IMMP2L: variants seen among roughly 807,000 people sequenced by gnomAD.
The protein encoded by IMMP2L is mitochondrial inner membrane protease subunit 2.
A neutral mutation model predicts 19.3 loss-of-function variants in IMMP2L; 18 were observed. That is an observed-to-expected ratio of 0.93 (90% CI 0.64 to 1.38). The LOEUF is 1.38. IMMP2L is among the 40% of genes most tolerant of loss of function. The pLI, the probability that IMMP2L is intolerant of heterozygous loss-of-function variation, is 0.00. For synonymous variants in IMMP2L, 76 were observed against 73.0 expected, an observed-to-expected ratio of 1.04 and a Z score of -0.21; for missense variants, 233 against 218.2, an observed-to-expected ratio of 1.07 and a Z score of -0.43.
rs79300687 is a variant in IMMP2L, at chr7:111,438,661, C to T, written c.239+48577G>A. 2.4e-3 allele frequency among the ~76,000 whole-genome samples: 370 copies of T among 151,926 alleles called. 12 individuals are homozygous for T. In the East Asian group the frequency reaches 0.067, roughly 27 times the overall value. ...TCTCTTCTAGGTTATTGTTTACAAT[C>T]TGGACAAAGCTGATAGGCAAAAGAA... On this transcript the variant is annotated intron_variant, in intron 3 of 5. Coordinates refer to ENST00000405709, the MANE Select transcript of IMMP2L (RefSeq NM_032549.4).
chr7:111,288,551 C>T (rs1196402571), intron 3 of IMMP2L, among the ~76,000 whole-genome samples: 1 of 152,134 alleles, frequency 6.6e-6, no homozygotes, highest in Admixed American at 6.6e-5. Context: ...TATCCAGAAT[C>T]TACAAAGAAC....
At chr7:111,284,939 A>G (rs1270112702) in intron 3 of IMMP2L, among the ~76,000 whole-genome samples, 7 of 152,154 alleles carry the variant, frequency 4.6e-5, no homozygotes, top group Non-Finnish European at 2.9e-5. Context: ...GAAAAGGGAG[A>G]AATGCAAATT....
At chr7:111,145,999 G>A (rs1586561439) in intron 3 of IMMP2L, among the ~76,000 whole-genome samples, 1 of 152,014 alleles carries the variant, frequency 6.6e-6, no homozygotes, top group South Asian at 2.1e-4. Flanking sequence ...ACTGACTTAG[G>A]AGAGATTAAA....
chr7:110,681,501 C>A (rs1259359357), intron 5 of IMMP2L, among the ~76,000 whole-genome samples: 1 of 152,084 alleles, frequency 6.6e-6, no homozygotes, highest in Non-Finnish European at 1.5e-5. Flanking sequence ...AGCCACTGGG[C>A]TGTAAGGAAC....
chr7:110,799,173 T>C (rs191198268), intron 5 of IMMP2L, among the ~76,000 whole-genome samples: 14 of 152,152 alleles, frequency 9.2e-5, no homozygotes, highest in African/African-American at 3.4e-4. Context: ...CAACTTAACA[T>C]TGAGGTCTTT....
intron 5 of IMMP2L, among the ~76,000 whole-genome samples, chr7:110,867,948 C>T (rs2129543516): frequency 6.6e-6 from 1 of 152,032 alleles, no homozygotes; most frequent in East Asian, 1.9e-4. Context: ...GTTGTCACCC[C>T]CAGAGGTCCC....
At chr7:111,557,853 T>A (rs1252483727) in intron 1 of IMMP2L, among the ~76,000 whole-genome samples, 1 of 151,918 alleles carries the variant, frequency 6.6e-6, no homozygotes, top group Non-Finnish European at 1.5e-5. Flanking sequence ...GGGGCGAGGT[T>A]AATGAATAAG....
chr7:110,789,111 G>T (rs924482220), intron 5 of IMMP2L, among the ~76,000 whole-genome samples: 3 of 151,670 alleles, frequency 2.0e-5, no homozygotes, highest in African/African-American at 7.3e-5. Flanking sequence ...AACATCAATT[G>T]CCAGACATGT....
intron 3 of IMMP2L, among the ~76,000 whole-genome samples, chr7:111,212,801 T>G (rs1280615842): frequency 1.3e-5 from 2 of 152,220 alleles, no homozygotes; most frequent in African/African-American, 4.8e-5. Flanking sequence ...AATAACATGT[T>G]AGATTTGTGG....
chr7:111,007,266 C>T (rs529449422), intron 3 of IMMP2L, among the ~76,000 whole-genome samples: 2 of 152,076 alleles, frequency 1.3e-5, no homozygotes, highest in African/African-American at 4.8e-5. Flanking sequence ...GGAAATCACC[C>T]TCATTATCCA....
intron 4 of IMMP2L, among the ~76,000 whole-genome samples, chr7:110,951,060 T>G (rs2129554178): frequency 6.6e-6 from 1 of 151,478 alleles, no homozygotes; most frequent in Admixed American, 6.6e-5. Context: ...TTACATGAAG[T>G]ATCTAAACCA....
intron 5 of IMMP2L, among the ~76,000 whole-genome samples, chr7:110,851,077 T>C (rs534784980): frequency 4.6e-5 from 7 of 152,264 alleles, no homozygotes; most frequent in African/African-American, 1.7e-4. Context: ...TTAAGTCTAA[T>C]GTATGAGGTT....
At chr7:111,228,418 T>TA (rs1158147040) in intron 3 of IMMP2L, among the ~76,000 whole-genome samples, 6 of 151,678 alleles carry the variant, frequency 4.0e-5, no homozygotes, top group East Asian at 1.9e-4. Flanking sequence ...AAACTTTTAT[T>TA]AAAAAAAATC....
In IMMP2L at chr7:111,509,866, G is replaced by T. The variant is rs574932660; in HGVS notation, c.135+11447C>A. The stretch of plus-strand genomic sequence containing the variant: ...TTTCATTTTATCATATTTCTGTAGG[G>T]TTTAATTATTCAGGCATATCAATGC... On this transcript the variant is annotated intron_variant, in intron 2 of 5. Transcript: ENST00000405709. 3.3e-5 allele frequency among the ~76,000 whole-genome samples: 5 copies of T among 152,118 alleles called. No individual in the cohort carries two copies. In the East Asian group the frequency reaches 9.6e-4, roughly 29 times the overall value.
chr7:110,730,666 A>G (rs1428784174), intron 5 of IMMP2L, among the ~76,000 whole-genome samples: 1 of 151,804 alleles, frequency 6.6e-6, no homozygotes, highest in East Asian at 1.9e-4. Flanking sequence ...CTGGGATTAC[A>G]GGCGCCAGCC....
intron 4 of IMMP2L, among the ~76,000 whole-genome samples, chr7:110,907,925 A>T (rs1812644906): frequency 6.6e-6 from 1 of 152,144 alleles, no homozygotes; most frequent in Admixed American, 6.5e-5. Flanking sequence ...AGGTAGAAGT[A>T]AAGTAGGAGC....
intron 3 of IMMP2L, among the ~76,000 whole-genome samples, chr7:111,471,076 C>A (rs1841219702): frequency 6.6e-6 from 1 of 151,796 alleles, no homozygotes. Context: ...TTGGATTTAG[C>A]AATGAGAAGA....
intron 3 of IMMP2L, among the ~76,000 whole-genome samples, chr7:111,234,603 G>C (rs1342942376): frequency 6.6e-6 from 1 of 151,858 alleles, no homozygotes; most frequent in Non-Finnish European, 1.5e-5. Flanking sequence ...TTTGCTACTT[G>C]TTTTCTACTG....
At chr7:111,134,116 G>A (rs1413131027) in intron 3 of IMMP2L, among the ~76,000 whole-genome samples, 2 of 152,004 alleles carry the variant, frequency 1.3e-5, no homozygotes, top group East Asian at 1.9e-4. Flanking sequence ...TGTTTCCACT[G>A]TCAATTGTAT....
Sources: allele counts gnomAD v4.1 joint callset (sites outside exome capture counted in the v4.1 genomes callset), GRCh38; gene constraint gnomAD v4.1.1; transcripts MANE v1.5; gene names NCBI Gene and HGNC (gene_info 2026-07-23, HGNC 2026-07-21).